Variants in EPHA5 observed in about 807,000 individuals in gnomAD.
The protein encoded by EPHA5 is EPH receptor A5.
EPHA5 carries 60 observed loss-of-function variants against 105.0 expected under a neutral mutation model. That is an observed-to-expected ratio of 0.57 (90% confidence interval 0.46 to 0.71). The LOEUF (loss-of-function observed/expected upper bound fraction) is 0.71, where lower values mean the gene tolerates loss of function less well. EPHA5 is among the 30% of genes least tolerant of loss of function. The pLI is 0.00. For missense variants in EPHA5, 1,218 were observed against 1,274.7 expected (o/e 0.96, Z 0.68); for synonymous variants, 513 against 449.1 (o/e 1.14, Z -1.80).
chr4:65,568,566 C>T (rs545291534), intron 3 of EPHA5, among the ~76,000 whole-genome samples: 27 of 150,880 alleles, frequency 1.8e-4, no homozygotes, highest in Non-Finnish European at 2.8e-4. Context: ...ATGTAAGCTT[C>T]ATCCTCTGAT....
At chr4:65,346,799 C>A (rs1363752302) in intron 14 of EPHA5, among the ~76,000 whole-genome samples, 1 of 152,096 alleles carries the variant, frequency 6.6e-6, no homozygotes, top group African/African-American at 2.4e-5. Flanking sequence ...AATCAAACAA[C>A]CCCATCAAAA....
chr4:65,547,251 T>C (rs1413659137), intron 3 of EPHA5, among the ~76,000 whole-genome samples: 1 of 150,086 alleles, frequency 6.7e-6, no homozygotes, highest in South Asian at 2.1e-4. Context: ...TACCTGCAGT[T>C]GCCTATACAT....
intron 5 of EPHA5, among the ~76,000 whole-genome samples, chr4:65,473,517 G>A (rs2149167408): frequency 6.6e-6 from 1 of 152,256 alleles, no homozygotes; most frequent in African/African-American, 2.4e-5. Flanking sequence ...ACGGTGACAG[G>A]CAAAACAGAG....
chr4:65,650,125 A>G (rs1264509042), intron 1 of EPHA5, among the ~76,000 whole-genome samples: 1 of 152,226 alleles, frequency 6.6e-6, no homozygotes, highest in East Asian at 1.9e-4. Flanking sequence ...GGTTCTTAAC[A>G]TATTTATGGT....
chr4:65,515,506 A>C (rs969450189), intron 3 of EPHA5, among the ~76,000 whole-genome samples: 1 of 152,118 alleles, frequency 6.6e-6, no homozygotes, highest in Non-Finnish European at 1.5e-5. Context: ...TATTTCTCTC[A>C]ACAATATTCT....
At chr4:65,574,157 C>A (rs1740545522) in intron 3 of EPHA5, 6 of 1,607,070 alleles carry the variant, frequency 3.7e-6, no homozygotes, top group Non-Finnish European at 5.1e-6. Context: ...AAGGTGAGAT[C>A]TTCGACACAG....
intron 3 of EPHA5, among the ~76,000 whole-genome samples, chr4:65,503,893 C>CATTCATGTG (rs1732737316): frequency 7.6e-6 from 1 of 131,214 alleles, no homozygotes; most frequent in South Asian, 2.6e-4. Flanking sequence ...ATTTTAATAG[C>CATTCATGTG]ATTCATGTGT....
At chr4:65,582,622 A>T (rs1265020673) in intron 3 of EPHA5, among the ~76,000 whole-genome samples, 1 of 151,734 alleles carries the variant, frequency 6.6e-6, no homozygotes, top group Non-Finnish European at 1.5e-5. Context: ...AAGGTTACAG[A>T]TGTCTATGAA....
chr4:65,484,991 A>T (rs1210475668), intron 5 of EPHA5, among the ~76,000 whole-genome samples: 1 of 151,912 alleles, frequency 6.6e-6, no homozygotes, highest in Admixed American at 6.6e-5. Flanking sequence ...TATTTGGCAA[A>T]GAAAGATTAT....
At chr4:65,378,832 T>A (rs1719274318) in intron 8 of EPHA5, among the ~76,000 whole-genome samples, 1 of 151,890 alleles carries the variant, frequency 6.6e-6, no homozygotes, top group Non-Finnish European at 1.5e-5. Flanking sequence ...TGATTGACAC[T>A]TGTAAGCAGT....
At chr4:65,511,176 G>T (rs74654437) in intron 3 of EPHA5, among the ~76,000 whole-genome samples, 1 of 152,130 alleles carries the variant, frequency 6.6e-6, no homozygotes, top group Admixed American at 6.6e-5. Flanking sequence ...CCCAGCCTGT[G>T]GTTATGGCAA....
chr4:65,606,268 C>G (rs1051793100), intron 2 of EPHA5, among the ~76,000 whole-genome samples: 1 of 152,096 alleles, frequency 6.6e-6, no homozygotes, highest in African/African-American at 2.4e-5. Flanking sequence ...GAGTCTGATA[C>G]AACAGGGCAC....
chr4:65,346,084 C>CTT (rs5858952), intron 14 of EPHA5, among the ~76,000 whole-genome samples: 38,374 of 145,236 alleles, frequency 0.26, 5,241 homozygotes, highest in East Asian at 0.39. Flanking sequence ...TTTTCTCTCT[C>CTT]TTTTTTTTTT....
At chr4:65,662,219 A>G (rs1014694745) in intron 1 of EPHA5, among the ~76,000 whole-genome samples, 31 of 152,278 alleles carry the variant, frequency 2.0e-4, no homozygotes, top group Non-Finnish European at 3.5e-4. Flanking sequence ...TCTGAGTAAA[A>G]GAACAGACTG....
chr4:65,366,713 T>C (rs1193736342), intron 9 of EPHA5, among the ~76,000 whole-genome samples: 1 of 151,962 alleles, frequency 6.6e-6, no homozygotes, highest in Non-Finnish European at 1.5e-5. Flanking sequence ...ATGGCTTTAA[T>C]GATTTTGACA....
chr4:65,419,768 G>A (rs901230608), intron 6 of EPHA5, among the ~76,000 whole-genome samples: 2 of 152,106 alleles, frequency 1.3e-5, no homozygotes, highest in African/African-American at 4.8e-5. Context: ...GCTTCCATCT[G>A]TATGACTCTT....
rs2149212066 is a variant in EPHA5, at chr4:65,490,397, T to C, written c.1382A>G (p.Asn461Ser). The stretch of plus-strand genomic sequence containing the variant: ...CTTACCTGCTTGATTTGTGGTTACA[T>C]TTACAGACACATACTGCCGGGCTCC... Reference protein sequence around the residue: ...SPGARQYVSVNVTTNQAAPSP... With the variant: ...SPGARQYVSVSVTTNQAAPSP... Residue 461 changes from asparagine (N) to serine (S), a missense_variant, in exon 5 of 17, where the codon AAT becomes AGT. Transcript: ENST00000613740. 1 of 1,614,038 alleles carries C rather than the reference T, an allele frequency of 6.2e-7. No homozygotes were observed. The highest frequency in any genetic ancestry group is 8.5e-7 in the Non-Finnish European group (1 of 1,179,934).
At chr4:65,398,824 C>G (rs1560494380) in intron 8 of EPHA5, among the ~76,000 whole-genome samples, 1 of 152,162 alleles carries the variant, frequency 6.6e-6, no homozygotes, top group East Asian at 1.9e-4. Context: ...GATGATCTAC[C>G]TGCAGAAAGG....
At chr4:65,603,091 A>G (rs1743898756) in intron 2 of EPHA5, among the ~76,000 whole-genome samples, 1 of 152,142 alleles carries the variant, frequency 6.6e-6, no homozygotes, top group Non-Finnish European at 1.5e-5. Context: ...CTTTCTTACC[A>G]AGGCATTATT....
Sources: allele counts gnomAD v4.1 joint callset (sites outside exome capture counted in the v4.1 genomes callset), GRCh38; gene constraint gnomAD v4.1.1; transcripts MANE v1.5; gene names NCBI Gene and HGNC (gene_info 2026-07-23, HGNC 2026-07-21).